The following FMN1 variants were observed in gnomAD, a reference collection of about 807,000 sequenced individuals.
FMN1 encodes the protein formin-1.
Under a neutral mutation model 132.4 loss-of-function variants are expected in FMN1, and 110 were observed. That is an observed-to-expected ratio of 0.83 (90% CI 0.71 to 0.97). The LOEUF (loss-of-function observed/expected upper bound fraction) is 0.97. Ranked by LOEUF, FMN1 falls within the 50% of genes least tolerant of loss-of-function variation. The probability of loss-of-function intolerance (pLI) is 0.00; values close to 1 mark genes in which losing one functional copy is unlikely to be tolerated. For synonymous variants in FMN1, 722 were observed against 651.7 expected, an observed-to-expected ratio of 1.11 and a Z score of -1.64; for missense variants, 1,792 against 1,705.3, an observed-to-expected ratio of 1.05 and a Z score of -0.90.
chr15:33,156,510 G>A (rs764647583), intron 3 of FMN1, among the ~76,000 whole-genome samples: 2 of 151,652 alleles, frequency 1.3e-5, no homozygotes, highest in African/African-American at 2.4e-5. Context: ...GGGTGGTCTG[G>A]AAATCTTGGA....
chr15:32,785,511 A>G lies in FMN1; in HGVS notation c.4131-8592T>C, dbSNP rs77514016. On this transcript the variant is annotated intron_variant, in intron 19 of 20. Coordinates refer to ENST00000616417, the MANE Select transcript of FMN1 (RefSeq NM_001277313.2). ...TAAAAATAGGTAACTGGCCCCTGAA[A>G]ATTAGCGTTATCTTTTAAACACCTA... 3.9e-3 allele frequency among the ~76,000 whole-genome samples: 598 copies of G among 152,126 alleles called. 12 individuals are homozygous for G. The highest frequency in any genetic ancestry group is 0.014 in the African/African-American group (573 of 41,504).
chr15:32,785,218 A>ATATATATATTTTTTTTTTTTTTT (rs1444523400), intron 19 of FMN1, among the ~76,000 whole-genome samples: 2 of 39,204 alleles, frequency 5.1e-5, no homozygotes, highest in Admixed American at 3.4e-4. Flanking sequence ...ATATATATAT[A>ATATATATATTTTTTTTTTTTTTT]TTTTTTTTTT....
chr15:33,083,785 A>G (rs917876017), intron 5 of FMN1, among the ~76,000 whole-genome samples: 3 of 152,114 alleles, frequency 2.0e-5, no homozygotes, highest in Non-Finnish European at 2.9e-5. Flanking sequence ...GATAAAAAAG[A>G]AGGTTACCAC....
At chr15:32,868,424 T>C (rs749535039) in intron 16 of FMN1, among the ~76,000 whole-genome samples, 2 of 152,208 alleles carry the variant, frequency 1.3e-5, no homozygotes, top group Non-Finnish European at 2.9e-5. Flanking sequence ...GTAGACGCCA[T>C]AGGCTATACC....
At chr15:32,853,895 C>A (rs142265529) in intron 17 of FMN1, among the ~76,000 whole-genome samples, 158 of 152,236 alleles carry the variant, frequency 1.0e-3, no homozygotes, top group African/African-American at 3.6e-3. Flanking sequence ...GCTGAGAAGG[C>A]AGGGCGACAA....
chr15:32,978,370 T>C (rs2032381260), intron 7 of FMN1, among the ~76,000 whole-genome samples: 2 of 152,220 alleles, frequency 1.3e-5, no homozygotes, highest in African/African-American at 4.8e-5. Flanking sequence ...ATCGGGGAAC[T>C]TCAGTAATAT....
rs374237556 is a variant in FMN1 at position 32,891,513 on chromosome 15, C to T, written c.3715-3221G>A. 9.1e-4 allele frequency among the ~76,000 whole-genome samples: 139 copies of T among 152,326 alleles called. No individual in the cohort carries two copies. The South Asian group carries it at 0.026, about 28-fold the overall frequency. ...TCGGCATTCCAACTGGGATTACAGG[C>T]GTGAGCCACCGTGTCCAGCCTAGAG... On this transcript the variant is annotated intron_variant, in intron 15 of 20. Transcript: ENST00000616417.
intron 4 of FMN1, among the ~76,000 whole-genome samples, chr15:33,127,747 G>A (rs959950581): frequency 6.6e-6 from 1 of 152,180 alleles, no homozygotes; most frequent in Non-Finnish European, 1.5e-5. Context: ...AATGATAGGG[G>A]AAACCAATGC....
intron 9 of FMN1, among the ~76,000 whole-genome samples, chr15:32,953,905 C>T (rs2061706896): frequency 6.6e-6 from 1 of 152,180 alleles, no homozygotes; most frequent in Admixed American, 6.5e-5. Flanking sequence ...AATCTAAATT[C>T]ACTGTTTCAA....
intron 19 of FMN1, among the ~76,000 whole-genome samples, chr15:32,777,608 T>TATAACATATAACACTTTATATATTACGC (rs1264459577): frequency 7.5e-6 from 1 of 132,806 alleles, no homozygotes; most frequent in Non-Finnish European, 1.6e-5. Context: ...ATATATTACG[T>TATAACATATAACACTTTATATATTACGC]ATAACATAAC....
intron 16 of FMN1, among the ~76,000 whole-genome samples, chr15:32,881,923 C>T (rs1234676180): frequency 6.6e-6 from 1 of 152,176 alleles, no homozygotes; most frequent in Non-Finnish European, 1.5e-5. Context: ...CCCTTTAGTC[C>T]TCTGCTATTA....
At chr15:33,074,738 G>C (rs569575637) in intron 5 of FMN1, among the ~76,000 whole-genome samples, 1 of 152,100 alleles carries the variant, frequency 6.6e-6, no homozygotes, top group African/African-American at 2.4e-5. Flanking sequence ...GACCTCAGCC[G>C]GGTGCAGTGG....
At chr15:33,091,322 A>G (rs1435192465) in intron 4 of FMN1, among the ~76,000 whole-genome samples, 8 of 152,124 alleles carry the variant, frequency 5.3e-5, no homozygotes, top group Admixed American at 1.3e-4. Context: ...CCCCTCACAC[A>G]CCTGCAGTGG....
chr15:33,121,499 CAGTAA>C, intron 4 of FMN1, among the ~76,000 whole-genome samples: 1 of 152,220 alleles, frequency 6.6e-6, no homozygotes, highest in African/African-American at 2.4e-5. Context: ...CACCATTTCC[CAGTAA>C]AGTACATAGT....
intron 3 of FMN1, among the ~76,000 whole-genome samples, chr15:33,166,544 C>T (rs185292737): frequency 4.7e-4 from 71 of 152,020 alleles, no homozygotes; most frequent in Non-Finnish European, 6.8e-4. Flanking sequence ...AAGTAGATAC[C>T]TTCTAAGAAA....
At chr15:32,985,455 A>C (rs2033006183) in intron 7 of FMN1, among the ~76,000 whole-genome samples, 1 of 152,164 alleles carries the variant, frequency 6.6e-6, no homozygotes, top group Admixed American at 6.5e-5. Context: ...TGAATGAATG[A>C]ATTCTTCCAA....
chr15:33,030,665 G>A (rs916123104), intron 6 of FMN1, among the ~76,000 whole-genome samples: 1 of 152,184 alleles, frequency 6.6e-6, no homozygotes. Context: ...ATTCTAAGAT[G>A]CATCAGTATT....
intron 7 of FMN1, among the ~76,000 whole-genome samples, chr15:32,980,938 C>T (rs576500939): frequency 3.3e-5 from 5 of 152,220 alleles, no homozygotes; most frequent in East Asian, 1.9e-4. Flanking sequence ...TGCTTGAACC[C>T]GGGAAGCGGA....
chr15:32,920,524 C>T (rs563338591), intron 10 of FMN1, among the ~76,000 whole-genome samples: 3 of 152,286 alleles, frequency 2.0e-5, no homozygotes, highest in African/African-American at 7.2e-5. Context: ...ATAAAGGTTA[C>T]TTTTGGGAGT....
Sources: gnomAD v4.1 joint callset for allele counts (sites outside exome capture counted in the v4.1 genomes callset) on GRCh38, gnomAD v4.1.1 for gene constraint, MANE v1.5 for transcripts, NCBI Gene and HGNC (gene_info 2026-07-23, HGNC 2026-07-21) for gene names.